ZNF688: variants seen among roughly 807,000 people sequenced by gnomAD.
ZNF688 encodes the protein zinc finger protein 688.
ZNF688 carries 10 observed loss-of-function variants against 13.2 expected under a neutral mutation model. That is an observed-to-expected ratio of 0.76 (90% CI 0.47 to 1.28). The LOEUF (loss-of-function observed/expected upper bound fraction) is 1.28, where lower values mean the gene tolerates loss of function less well. ZNF688 is among the 50% of genes most tolerant of loss of function. The probability of loss-of-function intolerance (pLI) is 0.00; values close to 1 mark genes in which losing one functional copy is unlikely to be tolerated. For missense variants in ZNF688, 381 were observed against 391.4 expected (o/e 0.97, Z 0.22); for synonymous variants, 160 against 159.4 (o/e 1.00, Z -0.03).
At chr16:30,574,826 G>A (rs988850506), upstream of ZNF688, among the ~76,000 whole-genome samples, 7 of 152,070 alleles carry the variant, frequency 4.6e-5, no homozygotes, top group African/African-American at 7.2e-5. Flanking sequence ...CTAAGTGTAT[G>A]TTTGTACCCA....
chr16:30,576,747 CCTT>C (rs1161781439), upstream of ZNF688, among the ~76,000 whole-genome samples: 2 of 152,028 alleles, frequency 1.3e-5, no homozygotes, highest in African/African-American at 4.8e-5. Flanking sequence ...TTTTGATTCT[CCTT>C]CTATTATGAT....
chr16:30,572,741 TTAAA>T (rs1376049376), upstream of ZNF688: 81 of 153,308 alleles, frequency 5.3e-4, no homozygotes, highest in Non-Finnish European at 1.0e-3. Context: ...TGGCTAATTT[TTAAA>T]TTTTAAAACA....
rs1385132760 is a variant in ZNF688, at chr16:30,571,587, C to T, written c.43G>A (p.Glu15Lys). 44 of 1,541,040 alleles carry T rather than the reference C, an allele frequency of 2.9e-5. 1 individual carries two copies. In the Admixed American group the frequency reaches 9.0e-4, roughly 32 times the overall value. Residue 15 changes from glutamate to lysine, a missense_variant, in exon 1 of 3, where the codon GAG (glutamate) becomes AAG (lysine). By Grantham distance (56) the Glu-to-Lys change is moderately conservative. Transcript: ENST00000223459. ...PAPLLAPRPG[E>K]TRPGCRKPGT... ...GGCTTCCTGCAACCAGGCCGGGTCT[C>T]CCCGGGCCTCGGCGCCAGGAGCGGG...
upstream of ZNF688, among the ~76,000 whole-genome samples, chr16:30,577,689 T>G (rs1427616179): frequency 1.3e-5 from 2 of 150,520 alleles, no homozygotes; most frequent in Non-Finnish European, 3.0e-5. Flanking sequence ...CCTGTGGTTT[T>G]TTTTTTTTTT....
intron 2 of ZNF688, 83 bp from the exon 3 acceptor site, chr16:30,570,519 G>A (rs1004858432): frequency 2.0e-6 from 3 of 1,495,720 alleles, no homozygotes; most frequent in Non-Finnish European, 8.9e-7. Flanking sequence ...ACTTAAGGCA[G>A]TGAGGGAAGT....
upstream of ZNF688, chr16:30,573,641 G>C (rs781284342): frequency 1.8e-5 from 3 of 164,394 alleles, no homozygotes; most frequent in Non-Finnish European, 2.6e-5. Context: ...CTAGTATATC[G>C]AGCCTTCCTT....
chr16:30,573,907 A>G (rs2051721706), upstream of ZNF688: 3 of 356,940 alleles, frequency 8.4e-6, no homozygotes, highest in Non-Finnish European at 1.6e-5. Flanking sequence ...GAAATTATAT[A>G]AGGAAAAATA....
chr16:30,572,916 G>C (rs1236643473), upstream of ZNF688, among the ~76,000 whole-genome samples: 2 of 151,796 alleles, frequency 1.3e-5, no homozygotes, highest in African/African-American at 4.8e-5. Flanking sequence ...TTGTTGCCCA[G>C]GCTGGAGTGC....
Position 30,570,129 on chromosome 16 carries a change from CG to C in ZNF688, c.617del (p.Ser206TrpfsTer131), listed in dbSNP as rs1216215908. On this transcript the variant is annotated frameshift_variant, in exon 3 of 3. Coordinates refer to ENST00000223459, the MANE Select transcript of ZNF688 (RefSeq NM_145271.4). LOFTEE classifies it high-confidence loss of function. ...CGGGGCAGGGGAAAGGCCGCTCCCC[CG>C]AGTGCATGCGCCTGTGGCTGACCAG... Reference protein sequence around the residue: ...SLLVSHRRMHSGERPFPCPEC... With the variant: ...SLLVSHRRMHXGERPFPCPEC... 2 of 1,611,036 alleles carry C rather than the reference CG, an allele frequency of 1.2e-6. No homozygotes were observed. Among genetic ancestry groups the C allele is most frequent in the Non-Finnish European group, 1.7e-6 (2 of 1,178,680 alleles).
the ZNF688 span, chr16:30,578,943 C>G: frequency 6.6e-6 from 1 of 151,826 alleles, no homozygotes; most frequent in Admixed American, 6.6e-5. Context: ...CACCCTCCCC[C>G]ACCATGCTCG....
upstream of ZNF688, among the ~76,000 whole-genome samples, chr16:30,575,081 C>CTTTA (rs1395922085): frequency 1.3e-5 from 2 of 152,044 alleles, no homozygotes; most frequent in African/African-American, 4.8e-5. Context: ...ATCATATTTT[C>CTTTA]TTTATTCATT....
upstream of ZNF688, chr16:30,571,786 A>C (rs1387758535): frequency 2.8e-5 from 37 of 1,321,096 alleles, no homozygotes; most frequent in Non-Finnish European, 3.4e-5. Context: ...ACTGGCTGCT[A>C]GGGATTCGAG....
chr16:30,570,507 T>C, intron 2 of ZNF688, 71 bp from the exon 3 acceptor site: 1 of 1,528,388 alleles, frequency 6.5e-7, no homozygotes, highest in Non-Finnish European at 8.8e-7. Context: ...AGAATGCTTT[T>C]CACTTAAGGC....
At chr16:30,579,637 C>T in the ZNF688 span, 48 of 364,012 alleles carry the variant, frequency 1.3e-4, 1 homozygote, top group Non-Finnish European at 2.2e-5. Flanking sequence ...GCCTCAGCCT[C>T]CCACAGTGCT....
Position 30,570,161 on chromosome 16 carries a change from A to T in ZNF688, c.586T>A (p.Ser196Thr). The T allele has an allele frequency of 6.2e-7, 1 of 1,611,012 alleles. No individual in the cohort carries two copies. Among genetic ancestry groups the T allele is most frequent in the Non-Finnish European group, 8.5e-7 (1 of 1,178,298 alleles). Residue 196 changes from serine (S) to threonine (T), a missense_variant, in exon 3 of 3, where the codon TCA (serine) becomes ACA (threonine). Ser to Thr is a moderately conservative substitution (Grantham distance 58). Transcript: ENST00000223459. Reference sequence around the variant, plus strand: ...ATGCGCCTGTGGCTGACCAGCAGTGAGGGGTAGGTGAAGCGGCGGCCGCAG... The same window carrying T: ...ATGCGCCTGTGGCTGACCAGCAGTGTGGGGTAGGTGAAGCGGCGGCCGCAG... Reference protein sequence around the residue: ...TDCGRRFTYPSLLVSHRRMHS... With the variant: ...TDCGRRFTYPTLLVSHRRMHS...
In ZNF688 at chr16:30,569,971, C is replaced by G. The variant is rs771342909; in HGVS notation, c.776G>C (p.Arg259Pro). The G allele has an allele frequency of 1.3e-6, 2 of 1,596,282 alleles. No homozygotes were observed. The highest frequency in any genetic ancestry group is 2.2e-5 in the East Asian group (1 of 44,752). ...AVPRAPVRGD[R>P]DPPVLFRHYP... The stretch of plus-strand genomic sequence containing the variant: ...GTGCCGGAAGAGCACAGGCGGGTCC[C>G]GGTCACCTCGGACGGGGGCCCGAGG... Residue 259 changes from arginine to proline, a missense_variant, in exon 3 of 3, where the codon CGG becomes CCG. Coordinates refer to ENST00000223459, the MANE Select transcript of ZNF688 (RefSeq NM_145271.4).
Position 30,570,268 on chromosome 16 carries a change from T to C in ZNF688, c.479A>G (p.Asp160Gly). The change falls in exon 3 of 3, where the codon GAC (aspartate) becomes GGC (glycine). Residue 160 changes from aspartate (D) to glycine (G), a missense_variant. Coordinates refer to ENST00000223459, the MANE Select transcript of ZNF688 (RefSeq NM_145271.4). ...CGGGGGCTGTGCTCCTGTGGTCGGGTCCCAGGCAGCATTTTTGGGTGGCTG... is the reference window on the plus strand; with the variant it reads ...CGGGGGCTGTGCTCCTGTGGTCGGGCCCCAGGCAGCATTTTTGGGTGGCTG... ...RAQPPKNAAW[D>G]PTTGAQPPAP... 6.2e-7 allele frequency: 1 copy of C among 1,613,826 alleles called. No individual in the cohort carries two copies. Among genetic ancestry groups the C allele is most frequent in the Non-Finnish European group, 8.5e-7 (1 of 1,179,934 alleles).
At chr16:30,570,755 T>TTATG in intron 2 of ZNF688, 1 of 323,052 alleles carries the variant, frequency 3.1e-6, no homozygotes, top group Non-Finnish European at 5.5e-6. Context: ...ATTTATTTAT[T>TTATG]TATTTATTTA....
At position 30,570,105 on chromosome 16, in the gene ZNF688, G is replaced by A. The variant is rs1478738315; in HGVS notation, c.642C>T (p.Pro214=). Residue 214 remains proline, a synonymous_variant, in exon 3 of 3, where the codon CCC becomes CCT. Coordinates refer to ENST00000223459, the MANE Select transcript of ZNF688 (RefSeq NM_145271.4). ...TCCTCTTGAAGCGCATGCCACACTCGGGGCAGGGGAAAGGCCGCTCCCCCG... is the reference window on the plus strand; with the variant it reads ...TCCTCTTGAAGCGCATGCCACACTCAGGGCAGGGGAAAGGCCGCTCCCCCG... ...MHSGERPFPC[P]ECGMRFKRKF... is the part of the protein sequence containing the mutation. 1 of 1,611,396 alleles carries A rather than the reference G, an allele frequency of 6.2e-7. No individual in the cohort carries two copies. The highest frequency in any genetic ancestry group is 1.3e-5 in the African/African-American group (1 of 75,008).
Sources: allele counts gnomAD v4.1 joint callset (sites outside exome capture counted in the v4.1 genomes callset), GRCh38; gene constraint gnomAD v4.1.1; transcripts MANE v1.5; gene names NCBI Gene and HGNC (gene_info 2026-07-23, HGNC 2026-07-21).